LRBA: variants seen among roughly 807,000 people sequenced by gnomAD.
LRBA encodes lipopolysaccharide-responsive and beige-like anchor protein.
LRBA carries 176 observed loss-of-function variants against 330.0 expected under a neutral mutation model. That is an observed-to-expected ratio of 0.53 (90% CI 0.47 to 0.60). The LOEUF (loss-of-function observed/expected upper bound fraction) is 0.60, where lower values mean the gene tolerates loss of function less well. LRBA is among the 20% of genes least tolerant of loss of function. LRBA has a pLI of 0.00. For missense variants in LRBA, 3,259 were observed against 3,444.8 expected, an observed-to-expected ratio of 0.95 and a Z score of 1.35; for synonymous variants, 1,230 against 1,193.0, an observed-to-expected ratio of 1.03 and a Z score of -0.64.
At chr4:150,984,514 A>G (rs974851027) in intron 2 of LRBA, among the ~76,000 whole-genome samples, 2 of 152,212 alleles carry the variant, frequency 1.3e-5, no homozygotes, top group South Asian at 2.1e-4. Flanking sequence ...CGTCTCAAAA[A>G]AAAAAAGAAC....
intron 34 of LRBA, among the ~76,000 whole-genome samples, chr4:150,776,495 G>T (rs1375109980): frequency 6.6e-6 from 1 of 152,090 alleles, no homozygotes; most frequent in East Asian, 1.9e-4. Context: ...TGCTTTATTT[G>T]ATGAAAAATA....
chr4:150,349,148 G>A (rs1422140604), intron 48 of LRBA, among the ~76,000 whole-genome samples: 1 of 152,128 alleles, frequency 6.6e-6, no homozygotes. Context: ...ATTTAAATAT[G>A]TACTTACATA....
chr4:151,001,795 C>A (rs1743371114), intron 2 of LRBA, among the ~76,000 whole-genome samples: 1 of 152,126 alleles, frequency 6.6e-6, no homozygotes, highest in African/African-American at 2.4e-5. Flanking sequence ...GGAATTGGTT[C>A]ACCTCAACCC....
chr4:150,308,635 C>G (rs963205593), intron 52 of LRBA, among the ~76,000 whole-genome samples: 1 of 152,138 alleles, frequency 6.6e-6, no homozygotes, highest in African/African-American at 2.4e-5. Context: ...CCCCTGAAGA[C>G]CTTCCAGTGG....
intron 38 of LRBA, among the ~76,000 whole-genome samples, chr4:150,593,925 T>G (rs1252260394): frequency 6.6e-6 from 1 of 152,122 alleles, no homozygotes; most frequent in Admixed American, 6.5e-5. Flanking sequence ...AGAAATATAA[T>G]TATCCCTTCC....
chr4:150,702,182 G>A (rs561824527), intron 36 of LRBA, among the ~76,000 whole-genome samples: 22 of 152,166 alleles, frequency 1.4e-4, no homozygotes, highest in South Asian at 1.0e-3. Flanking sequence ...ATAAGATTTC[G>A]TTTGCACTGT....
intron 48 of LRBA, among the ~76,000 whole-genome samples, chr4:150,329,638 A>G (rs1733732252): frequency 1.3e-5 from 2 of 152,184 alleles, no homozygotes; most frequent in African/African-American, 4.8e-5. Flanking sequence ...CTCTGCCCCT[A>G]TCTGAAAGGT....
rs752911284 is a variant in LRBA, at chr4:150,309,037, C to T, written c.7849+1192G>A. Among the ~76,000 whole-genome samples, 9 of 152,270 alleles carry T rather than the reference C, an allele frequency of 5.9e-5. No homozygotes were observed. In the South Asian group the frequency reaches 8.3e-4, roughly 14 times the overall value. On this transcript the variant is annotated intron_variant, in intron 52 of 56. Transcript: ENST00000651943. ...ACTGCTCACTCACTGACTCACCCAG[C>T]GCAACTTCCAGTCCTGCAAGCTTCA...
At chr4:150,411,510 A>G (rs1456551626) in intron 47 of LRBA, among the ~76,000 whole-genome samples, 1 of 152,158 alleles carries the variant, frequency 6.6e-6, no homozygotes, top group African/African-American at 2.4e-5. Context: ...ATAATCTGTT[A>G]TTATTCACTG....
At chr4:150,777,066 T>TTTTTTGTTGTTG (rs370456829) in intron 34 of LRBA, among the ~76,000 whole-genome samples, 24 of 134,366 alleles carry the variant, frequency 1.8e-4, no homozygotes, top group African/African-American at 8.8e-4. Context: ...TTTGAGGGGT[T>TTTTTTGTTGTTG]TTGTTGTTGT....
intron 47 of LRBA, among the ~76,000 whole-genome samples, chr4:150,406,658 T>C (rs1310824065): frequency 6.6e-6 from 1 of 152,178 alleles, no homozygotes; most frequent in South Asian, 2.1e-4. Flanking sequence ...ATTATAAACA[T>C]ATATGCACTG....
rs147015647 is a variant in LRBA, at chr4:150,334,453, T to C, written c.7363-8555A>G. ...GAGAATGCAGACATAAAGACAGATA[T>C]CTAAGAATTTAGATAAAAGTCAAGT... is the stretch of plus-strand genomic sequence containing the variant. On this transcript the variant is annotated intron_variant, in intron 48 of 56. Transcript: ENST00000651943. Among the ~76,000 whole-genome samples the C allele has an allele frequency of 4.1e-3, 624 of 152,256 alleles. 2 individuals carry two copies. Among genetic ancestry groups the C allele is most frequent in the African/African-American group, 0.014 (594 of 41,558 alleles).
chr4:150,323,652 C>T (rs1732853958), intron 49 of LRBA, among the ~76,000 whole-genome samples: 1 of 152,192 alleles, frequency 6.6e-6, no homozygotes, highest in Non-Finnish European at 1.5e-5. Flanking sequence ...CCTCCATACC[C>T]CATCCTGACT....
At position 150,321,295 on chromosome 4, in the gene LRBA, A is replaced by G; in HGVS notation, c.7526T>C (p.Val2509Ala). The G allele has an allele frequency of 1.2e-6, 2 of 1,610,454 alleles. No homozygotes were observed. Among genetic ancestry groups the G allele is most frequent in the Non-Finnish European group, 1.7e-6 (2 of 1,178,840 alleles). ...MVLKFPSNSP[V>A]THVAANTQPG... The stretch of plus-strand genomic sequence containing the variant: ...CTGGGTGTTGGCTGCCACGTGAGTA[A>G]CAGGGGAGTTGGAGGGAAACTTGAG... Residue 2509 changes from valine to alanine, a missense_variant, in exon 50 of 57, where the codon GTT becomes GCT. Physicochemically the swap from Val to Ala is moderately conservative, Grantham distance 64. Coordinates refer to ENST00000651943, the MANE Select transcript of LRBA (RefSeq NM_001364905.1). The surrounding 1 kb of genome is among the most constrained non-coding windows in gnomAD (Gnocchi z 4.5).
At chr4:150,443,589 T>C (rs112646641) in intron 44 of LRBA, among the ~76,000 whole-genome samples, 22,495 of 151,788 alleles carry the variant, frequency 0.15, 1,686 homozygotes, top group Middle Eastern at 0.17. Flanking sequence ...CAGCAAACTA[T>C]TGCAAGGACA....
intron 36 of LRBA, among the ~76,000 whole-genome samples, chr4:150,703,532 T>G (rs1466789872): frequency 6.6e-6 from 1 of 152,202 alleles, no homozygotes; most frequent in East Asian, 1.9e-4. Flanking sequence ...GAAGTCAATA[T>G]GTAATATTTG....
Position 150,350,158 on chromosome 4 carries a change from G to A in LRBA, c.7196C>T (p.Ala2399Val). The A allele has an allele frequency of 6.4e-7, 1 of 1,559,330 alleles. No individual in the cohort carries two copies. The highest frequency in any genetic ancestry group is 8.6e-7 in the Non-Finnish European group (1 of 1,158,918). The change falls in exon 48 of 57, where the codon GCC becomes GTC. Residue 2399 changes from alanine to valine, a missense_variant and splice_region_variant. Physicochemically the swap from Ala to Val is moderately conservative, Grantham distance 64. Transcript: ENST00000651943. ...SEEFVHINRL[A>V]LESEFVSCQL... ...GCAGGAAACAAATTCACTCTCCAGG[G>A]CCTGAAAAAAGGTATACATTGTATT...
intron 17 of LRBA, among the ~76,000 whole-genome samples, chr4:150,876,566 C>T (rs1326875346): frequency 6.6e-6 from 1 of 152,102 alleles, no homozygotes; most frequent in Non-Finnish European, 1.5e-5. Flanking sequence ...TTTCAGTATC[C>T]TTAAAAGAAA....
In LRBA at chr4:150,857,202, C is replaced by T. The variant is rs116214375; in HGVS notation, c.2767-4259G>A. On this transcript the variant is annotated intron_variant, in intron 22 of 56. Transcript: ENST00000651943. The stretch of plus-strand genomic sequence containing the variant: ...TATCTTTAAAAACAGGTGGATCTTC[C>T]CATATGTATTATCAATGAGCATAAG... Among the ~76,000 whole-genome samples the T allele has an allele frequency of 9.2e-3, 1,400 of 152,072 alleles. 7 individuals carry two copies. Among genetic ancestry groups the T allele is most frequent in the Non-Finnish European group, 0.015 (1,052 of 67,916 alleles).
Sources: gnomAD v4.1 joint callset for allele counts (sites outside exome capture counted in the v4.1 genomes callset) on GRCh38, gnomAD v4.1.1 for gene constraint, Gnocchi (gnomAD v3.1) non-coding constraint, MANE v1.5 for transcripts, NCBI Gene and HGNC (gene_info 2026-07-23, HGNC 2026-07-21) for gene names.